The following DNAH7 variants were observed in gnomAD, a reference collection of about 807,000 sequenced individuals.
DNAH7 encodes dynein axonemal heavy chain 7, also known as axonemal beta dynein heavy chain 7.
In DNAH7, 397 loss-of-function variants were observed where a neutral mutation model predicts 444.6. The observed-to-expected ratio is 0.89, with a 90% CI of 0.82 to 0.97. The LOEUF is 0.97. Ranked by LOEUF, DNAH7 falls within the 50% of genes least tolerant of loss-of-function variation. DNAH7 has a pLI of 0.00. For synonymous variants in DNAH7, 1,636 were observed against 1,624.4 expected (o/e 1.01, Z -0.17); for missense variants, 4,902 against 4,800.8 (o/e 1.02, Z -0.62).
At chr2:195,896,753 G>C (rs183745091) in intron 29 of DNAH7, among the ~76,000 whole-genome samples, 50 of 152,234 alleles carry the variant, frequency 3.3e-4, no homozygotes, top group African/African-American at 1.1e-3. Context: ...AAACTTTAAG[G>C]AGAAAATCTG....
Position 195,808,755 on chromosome 2 carries a change from A to C in DNAH7, c.10010T>G (p.Leu3337Trp), listed in dbSNP as rs764957371. ...SWDEICRLDD[L>W]PAFKTIRREF... ...TCTACGAATGGTTTTGAAGGCAGGC[A>C]AATCATCTAATCGACATATTTCATC... Residue 3337 changes from leucine to tryptophan, a missense_variant, in exon 53 of 65, where the codon TTG becomes TGG. Coordinates refer to ENST00000312428, the MANE Select transcript of DNAH7 (RefSeq NM_018897.3). The C allele has an allele frequency of 2.5e-6, 4 of 1,614,088 alleles. No homozygotes were observed. The Admixed American group carries it at 5.0e-5, about 20-fold the overall frequency.
intron 63 of DNAH7, among the ~76,000 whole-genome samples, chr2:195,753,841 T>TAA (rs1329878911): frequency 6.6e-6 from 1 of 152,154 alleles, no homozygotes; most frequent in Non-Finnish European, 1.5e-5. Flanking sequence ...TTTGGAATGT[T>TAA]AAGCTATAGG....
At chr2:195,780,485 A>T (rs1695319071) in intron 58 of DNAH7, among the ~76,000 whole-genome samples, 1 of 152,196 alleles carries the variant, frequency 6.6e-6, no homozygotes, top group Non-Finnish European at 1.5e-5. Context: ...GCGGTGGCTC[A>T]CACTTGTAAT....
chr2:196,006,539 A>C (rs1287716248), intron 10 of DNAH7, among the ~76,000 whole-genome samples: 1 of 150,480 alleles, frequency 6.6e-6, no homozygotes, highest in Non-Finnish European at 1.5e-5. Context: ...GGAGGGTCTA[A>C]TCAGGGAAAT....
intron 16 of DNAH7, among the ~76,000 whole-genome samples, chr2:195,971,971 T>C (rs10198612): frequency 0.29 from 43,686 of 152,024 alleles, 9,298 homozygotes; most frequent in African/African-American, 0.6. Flanking sequence ...CACCTATGCA[T>C]GATATATTCC....
intron 56 of DNAH7, 34 bp downstream of exon 56, chr2:195,796,542 A>G (rs779131765): frequency 1.2e-6 from 2 of 1,608,942 alleles, no homozygotes; most frequent in Admixed American, 1.7e-5. Flanking sequence ...GATCCAGGGA[A>G]TGCAATCTAA....
At chr2:195,965,003 G>A (rs1034278613) in intron 17 of DNAH7, among the ~76,000 whole-genome samples, 11 of 151,840 alleles carry the variant, frequency 7.2e-5, no homozygotes, top group Non-Finnish European at 1.5e-4. Flanking sequence ...GCACTATGTT[G>A]ACTCACAGTG....
At chr2:196,013,533 GT>G (rs1294777414) in intron 9 of DNAH7, among the ~76,000 whole-genome samples, 1 of 152,090 alleles carries the variant, frequency 6.6e-6, no homozygotes, top group Non-Finnish European at 1.5e-5. Flanking sequence ...GCATTAACTT[GT>G]TCTTTAAAAA....
intron 13 of DNAH7, among the ~76,000 whole-genome samples, chr2:195,987,602 C>T (rs1257878689): frequency 6.6e-6 from 1 of 151,988 alleles, no homozygotes; most frequent in Non-Finnish European, 1.5e-5. Context: ...TTCTACTAAA[C>T]AGAACCATAT....
chr2:195,998,840 C>T (rs920788343), intron 12 of DNAH7: 18 of 366,136 alleles, frequency 4.9e-5, no homozygotes, highest in African/African-American at 3.7e-4. Context: ...ATAAATATGC[C>T]AGGATAATAA....
chr2:195,864,748 ATTC>A lies in DNAH7; in HGVS notation c.6904_6906del (p.Glu2302del), dbSNP rs1391337060. ...ATGGGTTTTTTGCTTATATTGTTGT[ATTC>A]TTCTAGGTGAATTTCTACTATCATT... On this transcript the variant is annotated inframe_deletion, in exon 41 of 65. Coordinates refer to ENST00000312428, the MANE Select transcript of DNAH7 (RefSeq NM_018897.3). 1 of 1,614,158 alleles carries A rather than the reference ATTC, an allele frequency of 6.2e-7. No homozygotes were observed. Among genetic ancestry groups the A allele is most frequent in the South Asian group, 1.1e-5 (1 of 91,086 alleles).
intron 9 of DNAH7, among the ~76,000 whole-genome samples, chr2:196,015,847 C>T (rs910427560): frequency 6.6e-6 from 1 of 152,146 alleles, no homozygotes; most frequent in African/African-American, 2.4e-5. Context: ...AGGGGTAGCC[C>T]TTGTTGACTG....
chr2:195,830,022 C>T (rs1574510378), intron 48 of DNAH7, among the ~76,000 whole-genome samples: 2 of 152,150 alleles, frequency 1.3e-5, no homozygotes, highest in Admixed American at 1.3e-4. Flanking sequence ...ACCCAGGATG[C>T]TCTCTTTAAT....
chr2:195,741,474 C>T (rs1693028547), intron 63 of DNAH7, among the ~76,000 whole-genome samples: 1 of 152,178 alleles, frequency 6.6e-6, no homozygotes, highest in African/African-American at 2.4e-5. Context: ...ACATGAGTTA[C>T]TTTCTTTGGC....
intron 20 of DNAH7, 74 bp downstream of exon 20, chr2:195,936,525 A>G (rs1689063145): frequency 3.2e-6 from 3 of 949,336 alleles, no homozygotes; most frequent in Non-Finnish European, 4.6e-6. Context: ...ATATATATTT[A>G]TGTTCTACTT....
At chr2:195,944,049 A>T (rs1689640543) in intron 19 of DNAH7, among the ~76,000 whole-genome samples, 1 of 152,154 alleles carries the variant, frequency 6.6e-6, no homozygotes, top group Non-Finnish European at 1.5e-5. Context: ...TTGATTATGC[A>T]GCATAACTGT....
intron 27 of DNAH7, among the ~76,000 whole-genome samples, chr2:195,906,120 G>A (rs1686999837): frequency 6.6e-6 from 1 of 152,086 alleles, no homozygotes; most frequent in African/African-American, 2.4e-5. Flanking sequence ...ACAATAGTGT[G>A]TTTCCAGCAT....
chr2:195,810,874 A>G (rs1344282873), intron 51 of DNAH7, among the ~76,000 whole-genome samples: 1 of 152,210 alleles, frequency 6.6e-6, no homozygotes, highest in Non-Finnish European at 1.5e-5. Flanking sequence ...CTTTTCATGC[A>G]TGGCATTGAA....
chr2:195,862,821 A>C (rs956667783), intron 41 of DNAH7, among the ~76,000 whole-genome samples: 1 of 152,174 alleles, frequency 6.6e-6, no homozygotes, highest in African/African-American at 2.4e-5. Context: ...AGATCACCTG[A>C]GGTCAGGAGT....
Sources: allele counts gnomAD v4.1 joint callset (sites outside exome capture counted in the v4.1 genomes callset), GRCh38; gene constraint gnomAD v4.1.1; transcripts MANE v1.5; gene names NCBI Gene and HGNC (gene_info 2026-07-23, HGNC 2026-07-21).